The following SEC24D variants were observed in gnomAD, a reference collection of about 807,000 sequenced individuals.
SEC24D encodes SEC24 homolog D, COPII component.
Under a neutral mutation model 116.9 loss-of-function variants are expected in SEC24D, and 69 were observed. The observed-to-expected ratio is 0.59, with a 90% CI of 0.49 to 0.72. SEC24D has a LOEUF of 0.72. Ranked by LOEUF, SEC24D falls within the 30% of genes least tolerant of loss-of-function variation. The pLI is 0.00. For missense variants in SEC24D, 1,131 were observed against 1,264.1 expected, an observed-to-expected ratio of 0.89 and a Z score of 1.60; for synonymous variants, 405 against 442.8, an observed-to-expected ratio of 0.91 and a Z score of 1.07.
rs561942413 is a variant in SEC24D at position 118,737,768 on chromosome 4, AGAGAGTC to A, written c.2496+486_2496+492del. On this transcript the variant is annotated intron_variant, in intron 19 of 22. Coordinates refer to ENST00000280551, the MANE Select transcript of SEC24D (RefSeq NM_014822.4). The stretch of plus-strand genomic sequence containing the variant: ...AAAATTTCAAATTACTAGATGATGG[AGAGAGTC>A]AATTCTTTGAAAACTCTTCACACCT... Among the ~76,000 whole-genome samples the A allele has an allele frequency of 3.2e-3, 491 of 152,294 alleles. 4 individuals are homozygous for A. Among genetic ancestry groups the A allele is most frequent in the African/African-American group, 0.011 (465 of 41,586 alleles).
intron 6 of SEC24D, among the ~76,000 whole-genome samples, chr4:118,810,956 A>G (rs896949909): frequency 6.6e-6 from 1 of 152,156 alleles, no homozygotes; most frequent in African/African-American, 2.4e-5. Context: ...CAAAATGTAA[A>G]AGTTTCATTT....
chr4:118,832,581 G>T (rs1444991925), intron 2 of SEC24D, among the ~76,000 whole-genome samples: 1 of 152,162 alleles, frequency 6.6e-6, no homozygotes. Flanking sequence ...GCCTTCTTGA[G>T]AGATCTGGGT....
intron 19 of SEC24D, chr4:118,736,575 G>C (rs189434016): frequency 6.0e-5 from 20 of 333,518 alleles, no homozygotes; most frequent in Non-Finnish European, 2.3e-5. Context: ...GTGAACTGTA[G>C]GAAAGTACCA....
intron 2 of SEC24D, among the ~76,000 whole-genome samples, chr4:118,829,218 T>C (rs971835038): frequency 5.3e-5 from 8 of 152,246 alleles, no homozygotes; most frequent in Non-Finnish European, 7.3e-5. Flanking sequence ...ATCAAATAAA[T>C]TGTTAAATTT....
chr4:118,723,446 T>C lies in SEC24D; in HGVS notation c.*69A>G. 2 of 1,469,988 alleles carry C rather than the reference T, an allele frequency of 1.4e-6. No homozygotes were observed. The highest frequency in any genetic ancestry group is 1.9e-6 in the Non-Finnish European group (2 of 1,078,166). The allele number at this position is 1,469,988 out of a possible 1,614,324, so 91.1% of individuals were successfully genotyped here. On this transcript the variant is annotated 3_prime_UTR_variant, in exon 23 of 23. Transcript: ENST00000280551. ...AAATCAAAACTAGCCTATTATCATCTAGAAAATTAGGCACCAAGAAGGAGA... is the reference window on the plus strand; with the variant it reads ...AAATCAAAACTAGCCTATTATCATCCAGAAAATTAGGCACCAAGAAGGAGA...
At chr4:118,768,122 C>T (rs1400478154) in intron 9 of SEC24D, 51 bp downstream of exon 9, 2 of 1,501,216 alleles carry the variant, frequency 1.3e-6, no homozygotes, top group African/African-American at 1.4e-5. Flanking sequence ...AAGTATAATA[C>T]ATTTTAGTTA....
chr4:118,774,128 T>C (rs941029285), intron 8 of SEC24D, among the ~76,000 whole-genome samples: 5 of 151,900 alleles, frequency 3.3e-5, no homozygotes, highest in African/African-American at 4.8e-5. Flanking sequence ...AACTTTGCTT[T>C]TTTGCATTTT....
chr4:118,753,694 C>T (rs1368793551), intron 11 of SEC24D, among the ~76,000 whole-genome samples: 2 of 151,930 alleles, frequency 1.3e-5, no homozygotes, highest in East Asian at 3.9e-4. Context: ...AACTTAGTTT[C>T]ATGTTTGTTG....
chr4:118,728,728 G>T, intron 21 of SEC24D, 78 bp from the exon 22 acceptor site: 1 of 894,780 alleles, frequency 1.1e-6, no homozygotes, highest in Non-Finnish European at 1.7e-6. Flanking sequence ...TTATCATAAT[G>T]TTAAAAACAT....
rs3842005 is a variant in SEC24D, at chr4:118,742,373, T to TGGG, written c.1996-1339_1996-1337dup. ...GATGATAAAGTCCTTTTTGGAAAAGTGGGGGGGGGAAAGCTTCTGATGAAA... is the reference window on the plus strand; with the variant it reads ...GATGATAAAGTCCTTTTTGGAAAAGTGGGGGGGGGGGGAAAGCTTCTGATGAAA... On this transcript the variant is annotated intron_variant, in intron 15 of 22. Transcript: ENST00000280551. Among the ~76,000 whole-genome samples the TGGG allele has an allele frequency of 2.3e-3, 347 of 149,162 alleles. 1 individual carries two copies. Among genetic ancestry groups the TGGG allele is most frequent in the East Asian group, 8.8e-3 (44 of 5,028 alleles).
intron 6 of SEC24D, among the ~76,000 whole-genome samples, chr4:118,814,605 A>T (rs1210244922): frequency 1.3e-5 from 2 of 152,162 alleles, no homozygotes; most frequent in Non-Finnish European, 2.9e-5. Context: ...TTGTTTTTTT[A>T]TTGTGCAAGA....
chr4:118,830,425 A>G (rs1398703882), intron 2 of SEC24D, among the ~76,000 whole-genome samples: 1 of 152,222 alleles, frequency 6.6e-6, no homozygotes. Flanking sequence ...TAGGCAACAG[A>G]GCAAAACCCT....
intron 3 of SEC24D, among the ~76,000 whole-genome samples, chr4:118,819,546 A>G (rs1277558005): frequency 1.3e-5 from 2 of 148,410 alleles, no homozygotes; most frequent in Non-Finnish European, 2.9e-5. Flanking sequence ...AAAAAAAAAA[A>G]AAAAAAAAGT....
At chr4:118,748,956 C>A (rs115582172) in intron 13 of SEC24D, among the ~76,000 whole-genome samples, 3,638 of 152,034 alleles carry the variant, frequency 0.024, 62 homozygotes, top group Middle Eastern at 0.051. Flanking sequence ...CAGATAAATT[C>A]CCCCCAATTC....
intron 2 of SEC24D, among the ~76,000 whole-genome samples, chr4:118,828,224 T>G (rs546773093): frequency 1.4e-3 from 212 of 152,162 alleles, no homozygotes; most frequent in African/African-American, 4.6e-3. Context: ...TTCTCCTGCC[T>G]CAGCCTCCCG....
rs1726119331 is a variant in SEC24D, at chr4:118,739,305, A to G, written c.2239-18T>C. The G allele has an allele frequency of 2.5e-6, 4 of 1,601,564 alleles. No homozygotes were observed. Among genetic ancestry groups the G allele is most frequent in the Non-Finnish European group, 3.4e-6 (4 of 1,172,854 alleles). ...ACAGCACACTGTAGAAGCAACATTGAGGTCACATGTTTTTCTGATTAACAT... is the reference window on the plus strand; with the variant it reads ...ACAGCACACTGTAGAAGCAACATTGGGGTCACATGTTTTTCTGATTAACAT... On this transcript the variant is annotated intron_variant, in intron 17 of 22. Coordinates refer to ENST00000280551, the MANE Select transcript of SEC24D (RefSeq NM_014822.4).
At chr4:118,763,582 G>A (rs190674396) in intron 10 of SEC24D, among the ~76,000 whole-genome samples, 11 of 152,278 alleles carry the variant, frequency 7.2e-5, no homozygotes, top group African/African-American at 2.2e-4. Flanking sequence ...TCAGATATGC[G>A]CTGAAATCTG....
At chr4:118,834,113 T>C (rs369821276) in intron 1 of SEC24D, among the ~76,000 whole-genome samples, 10 of 152,240 alleles carry the variant, frequency 6.6e-5, no homozygotes, top group African/African-American at 1.4e-4. Flanking sequence ...TGCCATTCAA[T>C]TGACTGACCA....
At position 118,740,968 on chromosome 4, in the gene SEC24D, C is replaced by T. The variant is rs1726197976; in HGVS notation, c.2065G>A (p.Ala689Thr). ...NDIEKKIGFD[A>T]IMRVRTSTGF... ...GTGCTGGTACGAACCCTCATAATAG[C>T]ATCAAAGCCTATTTTCTTTTCAATA... Residue 689 changes from alanine (A) to threonine (T), a missense_variant, in exon 16 of 23, where the codon GCT becomes ACT. Physicochemically the swap from Ala to Thr is moderately conservative, Grantham distance 58 (BLOSUM62 0). Transcript: ENST00000280551. 2 of 1,600,684 alleles carry T rather than the reference C, an allele frequency of 1.2e-6. No homozygotes were observed. The highest frequency in any genetic ancestry group is 1.7e-6 in the Non-Finnish European group (2 of 1,172,044).
Sources: gnomAD v4.1 joint callset for allele counts (sites outside exome capture counted in the v4.1 genomes callset) on GRCh38, gnomAD v4.1.1 for gene constraint, MANE v1.5 for transcripts, NCBI Gene and HGNC (gene_info 2026-07-23, HGNC 2026-07-21) for gene names.